ATM: variants seen among roughly 807,000 people sequenced by gnomAD.
ATM encodes the protein serine-protein kinase ATM.
Under a neutral mutation model 387.0 loss-of-function variants are expected in ATM, and 308 were observed. The ratio of observed to expected loss-of-function variants is 0.80; its 90% CI spans 0.73 to 0.87. The LOEUF (loss-of-function observed/expected upper bound fraction) is 0.87. ATM is among the 40% of genes least tolerant of loss of function. The probability of loss-of-function intolerance (pLI) is 0.00; values close to 1 mark genes in which losing one functional copy is unlikely to be tolerated. For synonymous variants in ATM, 1,156 were observed against 1,187.3 expected, an observed-to-expected ratio of 0.97 and a Z score of 0.54; for missense variants, 3,312 against 3,560.9, an observed-to-expected ratio of 0.93 and a Z score of 1.78.
chr11:108,235,743 T>G lies in ATM; in HGVS notation c.405T>G (p.Ala135=), dbSNP rs2135123254. The change falls in exon 5 of 63, where the codon GCT becomes GCG. Residue 135 remains alanine, a synonymous_variant. Coordinates refer to ENST00000675843, the MANE Select transcript of ATM (RefSeq NM_000051.4). ...CAGTGAAAGATTCATCTAATGGTGC[T>G]ATTTACGGAGCTGATTGTAGCAACA... The part of the protein sequence containing the change: ...MDTVKDSSNG[A]IYGADCSNIL... 3.1e-6 allele frequency: 5 copies of G among 1,612,918 alleles called. No homozygotes were observed. The highest frequency in any genetic ancestry group is 4.2e-6 in the Non-Finnish European group (5 of 1,179,010).
At chr11:108,229,517 G>C (rs1175704738) in intron 4 of ATM, 194 bp downstream of exon 4, 1 of 536,812 alleles carries the variant, frequency 1.9e-6, no homozygotes, top group Non-Finnish European at 3.2e-6. Flanking sequence ...GGCTAGTCAA[G>C]TGAAGCAGTG....
chr11:108,347,416 C>G (rs2137090663), intron 59 of ATM, 51 bp downstream of exon 59: 1 of 1,407,804 alleles, frequency 7.1e-7, no homozygotes, highest in Non-Finnish European at 1.0e-6. Flanking sequence ...ATTTGGTCAT[C>G]ATGGAATGTT....
chr11:108,288,506 T>TA (rs1475801702), intron 27 of ATM, among the ~76,000 whole-genome samples: 1 of 151,106 alleles, frequency 6.6e-6, no homozygotes, highest in Non-Finnish European at 1.5e-5. Flanking sequence ...CTTTACTTTT[T>TA]TTTTTTTTTT....
At chr11:108,237,512 T>A (rs2079337133) in intron 5 of ATM, among the ~76,000 whole-genome samples, 1 of 152,208 alleles carries the variant, frequency 6.6e-6, no homozygotes, top group Non-Finnish European at 1.5e-5. Context: ...CCTTTGCCAC[T>A]TCTTCCCGGA....
rs2137957551 is a variant in ATM, at chr11:108,366,043, A to G, written c.*535A>G. On this transcript the variant is annotated 3_prime_UTR_variant, in exon 63 of 63. Transcript: ENST00000675843. ...AAACTCCATCTCAAAAAAAAAAAAAAAAAAACAGAAACGTATTTGGATTTT... is the reference window on the plus strand; with the variant it reads ...AAACTCCATCTCAAAAAAAAAAAAAGAAAAACAGAAACGTATTTGGATTTT... 5.7e-6 allele frequency: 1 copy of G among 175,208 alleles called. No individual in the cohort carries two copies. Among genetic ancestry groups the G allele is most frequent in the East Asian group, 9.9e-5 (1 of 10,094 alleles). The allele number at this position is 175,208 out of a possible 1,614,324, so 10.9% of individuals were successfully genotyped here.
At chr11:108,224,312 G>A (rs2078632979) in intron 1 of ATM, 1 of 152,210 alleles carries the variant, frequency 6.6e-6, no homozygotes, top group Non-Finnish European at 1.5e-5. Context: ...GCCAAGGGCA[G>A]AGTTATTTCT....
intron 1 of ATM, chr11:108,227,341 T>C (rs1303510942): frequency 7.9e-6 from 3 of 380,422 alleles, no homozygotes; most frequent in East Asian, 1.0e-4. Context: ...ATCCTGCTAC[T>C]ACTGCAAGCA....
At chr11:108,279,396 A>C (rs1270989068) in intron 22 of ATM, 95 bp from the exon 23 acceptor site, 12 of 881,498 alleles carry the variant, frequency 1.4e-5, no homozygotes, top group Non-Finnish European at 2.2e-5. Flanking sequence ...TCACAGAGTG[A>C]TTTATTTTTG....
intron 49 of ATM, 138 bp from the exon 50 acceptor site, chr11:108,330,076 T>G (rs1466037842): frequency 1.6e-5 from 14 of 872,466 alleles, no homozygotes; most frequent in Middle Eastern, 3.3e-4. Flanking sequence ...TTTATTCCCT[T>G]TATAATCCTT....
intron 26 of ATM, 67 bp from the exon 27 acceptor site, chr11:108,287,533 C>T (rs1038291513): frequency 1.9e-6 from 2 of 1,048,678 alleles, no homozygotes. Flanking sequence ...TAATATATGC[C>T]TTTTGAGCTG....
chr11:108,307,438 G>C (rs2083778513), intron 37 of ATM, among the ~76,000 whole-genome samples: 1 of 152,156 alleles, frequency 6.6e-6, no homozygotes, highest in African/African-American at 2.4e-5. Context: ...ATGAGCCATT[G>C]CACTTGGCCA....
intron 39 of ATM, among the ~76,000 whole-genome samples, chr11:108,311,693 A>G (rs1022416530): frequency 6.6e-6 from 1 of 151,938 alleles, no homozygotes; most frequent in Non-Finnish European, 1.5e-5. Context: ...GCGAGACCCT[A>G]TCTCATAAAC....
intron 56 of ATM, 48 bp from the exon 57 acceptor site, chr11:108,343,174 T>C (rs771908525): frequency 6.2e-7 from 1 of 1,609,294 alleles, no homozygotes; most frequent in Non-Finnish European, 8.5e-7. Flanking sequence ...CATCAAATGC[T>C]CTTTAATGGC....
intron 56 of ATM, chr11:108,340,370 A>G (rs541215242): frequency 1.2e-5 from 1 of 85,038 alleles, no homozygotes; most frequent in African/African-American, 4.5e-5. Flanking sequence ...TAGATCTGTA[A>G]GATAATGTCT....
At chr11:108,293,888 A>G (rs370188089) in intron 31 of ATM, among the ~76,000 whole-genome samples, 3 of 109,096 alleles carry the variant, frequency 2.7e-5, no homozygotes, top group African/African-American at 9.9e-5. Context: ...AAAAAAAAAA[A>G]AAAAAAATAT....
intron 26 of ATM, among the ~76,000 whole-genome samples, chr11:108,285,394 CAAGT>C (rs758681613): frequency 1.3e-5 from 2 of 150,946 alleles, no homozygotes; most frequent in Non-Finnish European, 2.9e-5. Context: ...AAGAAGGAGT[CAAGT>C]AAGGAAGGAT....
intron 30 of ATM, 87 bp downstream of exon 30, chr11:108,292,880 T>C: frequency 2.1e-6 from 3 of 1,459,846 alleles, no homozygotes; most frequent in Middle Eastern, 1.9e-4. Context: ...TTATTTGGTA[T>C]AATTGGTGAT....
chr11:108,306,016 A>G (rs979145340), intron 37 of ATM, among the ~76,000 whole-genome samples: 11 of 152,122 alleles, frequency 7.2e-5, no homozygotes, highest in East Asian at 3.9e-4. Context: ...GCTCCTCCCA[A>G]TCCTTCCAGT....
At chr11:108,348,600 T>C (rs918925034) in intron 59 of ATM, among the ~76,000 whole-genome samples, 1 of 152,020 alleles carries the variant, frequency 6.6e-6, no homozygotes, top group Non-Finnish European at 1.5e-5. Flanking sequence ...GAAGTGTGAA[T>C]GTAATGACAA....
Sources: allele counts gnomAD v4.1 joint callset (sites outside exome capture counted in the v4.1 genomes callset), GRCh38; gene constraint gnomAD v4.1.1; transcripts MANE v1.5; gene names NCBI Gene and HGNC (gene_info 2026-07-23, HGNC 2026-07-21).